OTUD7B: variants seen among roughly 807,000 people sequenced by gnomAD.
The protein encoded by OTUD7B is OTU deubiquitinase 7B, also known as OTU domain-containing protein 7B.
Under a neutral mutation model 82.2 loss-of-function variants are expected in OTUD7B, and 34 were observed. The ratio of observed to expected loss-of-function variants is 0.41; its 90% CI spans 0.31 to 0.55. The LOEUF is 0.55. Among genes scored for constraint, OTUD7B ranks in the 20% least tolerant of loss-of-function variants. The pLI, the probability that OTUD7B is intolerant of heterozygous loss-of-function variation, is 0.20. For missense variants in OTUD7B, 944 were observed against 1,062.1 expected (o/e 0.89, Z 1.55); for synonymous variants, 398 against 402.7 (o/e 0.99, Z 0.14).
At position 149,977,548 on chromosome 1, in the gene OTUD7B, AG is replaced by A; in HGVS notation, c.-39del. The A allele has an allele frequency of 1.3e-6, 2 of 1,501,358 alleles. No homozygotes were observed. Among genetic ancestry groups the A allele is most frequent in the Non-Finnish European group, 1.9e-6 (2 of 1,077,294 alleles). The allele number at this position is 1,501,358 out of a possible 1,614,324, so 93.0% of individuals were successfully genotyped here. ...TACTTTCAGCCAGCTGGATGTAGGT[AG>A]AACATAGATCAAAATTCAGGCCTCC... On this transcript the variant is annotated 5_prime_UTR_variant, in exon 2 of 12. The change abolishes the stop of an existing upstream ORF in the 5' untranslated region. Transcript: ENST00000581312.
the OTUD7B span, among the ~76,000 whole-genome samples, chr1:150,025,369 C>T: frequency 2.0e-5 from 3 of 151,634 alleles, no homozygotes; most frequent in South Asian, 2.1e-4. Context: ...GAGCCGAGAT[C>T]GTGCCATTGC....
the OTUD7B span, among the ~76,000 whole-genome samples, chr1:150,061,556 G>A: frequency 6.6e-6 from 1 of 152,038 alleles, no homozygotes; most frequent in African/African-American, 2.4e-5. Flanking sequence ...CTAGGGCAAC[G>A]ATTTCCAATT....
chr1:149,944,913 C>T lies in OTUD7B; in HGVS notation c.1476G>A (p.Arg492=). 6.2e-7 allele frequency: 1 copy of T among 1,614,186 alleles called. No homozygotes were observed. Among genetic ancestry groups the T allele is most frequent in the East Asian group, 2.2e-5 (1 of 44,876 alleles). Residue 492 remains arginine, a synonymous_variant, in exon 12 of 12, where the codon CGG becomes CGA. Coordinates refer to ENST00000581312, the MANE Select transcript of OTUD7B (RefSeq NM_020205.4). ...GRRKEKSKRD[R]EKDKKRADSV... ...AATCTGCTCTCTTCTTGTCCTTCTC[C>T]CGATCTCGCTTTGACTTCTCCTTCC...
chr1:149,971,458 TAAG>T (rs1649930492), intron 2 of OTUD7B, among the ~76,000 whole-genome samples: 1 of 152,158 alleles, frequency 6.6e-6, no homozygotes, highest in Non-Finnish European at 1.5e-5. Flanking sequence ...ATTTCCTAAG[TAAG>T]TGCCATGAAA....
At chr1:150,060,289 G>A in the OTUD7B span, among the ~76,000 whole-genome samples, 2 of 152,240 alleles carry the variant, frequency 1.3e-5, no homozygotes. Flanking sequence ...ATTGCATTTG[G>A]AGAAAGGGTC....
chr1:149,967,242 C>A, intron 4 of OTUD7B, 52 bp downstream of exon 4: 2 of 1,323,038 alleles, frequency 1.5e-6, no homozygotes, highest in East Asian at 2.3e-5. Flanking sequence ...CACAAGGCTG[C>A]CTGTAGGTGG....
intron 1 of OTUD7B, among the ~76,000 whole-genome samples, chr1:150,006,282 C>T (rs1460515894): frequency 5.9e-5 from 9 of 152,150 alleles, no homozygotes; most frequent in African/African-American, 2.2e-4. Context: ...ACGGTGAAAC[C>T]CCGTCTCTAC....
In OTUD7B at chr1:149,944,128, T is replaced by C; in HGVS notation, c.2261A>G (p.His754Arg). Residue 754 changes from histidine to arginine, a missense_variant, in exon 12 of 12, where the codon CAC (histidine) becomes CGC (arginine). This residue lies in a region of OTUD7B where 412 missense variants were observed against 418.7 expected (regional missense o/e 0.98). Transcript: ENST00000581312. ...DSIPSLEPGS[H>R]SKDGLHRGAL... ...ACCCCTGTGAAGTCCATCCTTAGAG[T>C]GGCTGCCTGGCTCCAGAGAAGGGAT... is the stretch of plus-strand genomic sequence containing the variant. 3.1e-6 allele frequency: 5 copies of C among 1,613,832 alleles called. No individual in the cohort carries two copies. Among genetic ancestry groups the C allele is most frequent in the Non-Finnish European group, 4.2e-6 (5 of 1,179,926 alleles).
At chr1:150,035,375 C>T in the OTUD7B span, among the ~76,000 whole-genome samples, 7 of 152,090 alleles carry the variant, frequency 4.6e-5, no homozygotes, top group African/African-American at 1.7e-4. Context: ...AGCCTGAGTC[C>T]GGGAGGCCTA....
chr1:149,957,609 G>T (rs1292997512), intron 7 of OTUD7B, among the ~76,000 whole-genome samples: 1 of 152,224 alleles, frequency 6.6e-6, no homozygotes, highest in East Asian at 1.9e-4. Flanking sequence ...GCTACCTTTT[G>T]TTCAGCTATG....
At chr1:149,946,985 G>A (rs938349972) in intron 11 of OTUD7B, among the ~76,000 whole-genome samples, 4 of 152,110 alleles carry the variant, frequency 2.6e-5, no homozygotes, top group Non-Finnish European at 4.4e-5. Flanking sequence ...CCCAGGAGGC[G>A]GAGGTTGCAA....
At chr1:150,032,667 G>GGAGGAAGAGGAATAA in the OTUD7B span, among the ~76,000 whole-genome samples, 1 of 147,198 alleles carries the variant, frequency 6.8e-6, no homozygotes, top group East Asian at 2.0e-4. Context: ...AGGAAGAAGA[G>GGAGGAAGAGGAATAA]GAGGAAGAGG....
At chr1:150,046,057 ATAG>A in the OTUD7B span, among the ~76,000 whole-genome samples, 3 of 152,228 alleles carry the variant, frequency 2.0e-5, no homozygotes, top group South Asian at 4.1e-4. Context: ...AAATATCCAA[ATAG>A]TTTTGTATGG....
At chr1:150,036,199 C>T in the OTUD7B span, among the ~76,000 whole-genome samples, 1 of 151,628 alleles carries the variant, frequency 6.6e-6, no homozygotes, top group Admixed American at 6.6e-5. Context: ...AGCAATCCTC[C>T]CACCTGGGCA....
the OTUD7B span, among the ~76,000 whole-genome samples, chr1:150,051,229 CAAAAA>C: frequency 1.0e-5 from 1 of 97,004 alleles, no homozygotes; most frequent in Non-Finnish European, 1.9e-5. Context: ...GACTTCGCCT[CAAAAA>C]AAAAAAAAAA....
chr1:150,022,288 C>T, the OTUD7B span, among the ~76,000 whole-genome samples: 2 of 151,374 alleles, frequency 1.3e-5, no homozygotes, highest in African/African-American at 2.4e-5. Context: ...ATCCCAGTTA[C>T]TCAGGAGGCT....
chr1:149,946,293 G>T (rs1040231692), intron 11 of OTUD7B, among the ~76,000 whole-genome samples: 9 of 151,850 alleles, frequency 5.9e-5, no homozygotes, highest in Admixed American at 5.3e-4. Context: ...AACCCAAGAG[G>T]TGGAGGTTGC....
At chr1:150,064,890 C>T in the OTUD7B span, among the ~76,000 whole-genome samples, 20 of 152,196 alleles carry the variant, frequency 1.3e-4, no homozygotes, top group East Asian at 2.9e-3. Flanking sequence ...AGCTTATTTA[C>T]ATATTCTTTG....
the OTUD7B span, among the ~76,000 whole-genome samples, chr1:150,047,340 C>T: frequency 7.0e-3 from 1,070 of 152,288 alleles, 8 homozygotes; most frequent in Middle Eastern, 0.034. Flanking sequence ...ACATTTATAA[C>T]TGCAAACCTT....
Sources: gnomAD v4.1 joint callset for allele counts (sites outside exome capture counted in the v4.1 genomes callset) on GRCh38, gnomAD v4.1.1 for gene constraint, gnomAD v4.1.1 regional missense constraint, MANE v1.5 for transcripts, NCBI Gene and HGNC (gene_info 2026-07-23, HGNC 2026-07-21) for gene names.